The following PEX3 variants were observed in gnomAD, a reference collection of about 807,000 sequenced individuals.
PEX3 encodes the protein peroxin-3.
Under a neutral mutation model 55.8 loss-of-function variants are expected in PEX3, and 30 were observed. That is an observed-to-expected ratio of 0.54 (90% CI 0.40 to 0.73). PEX3 has a LOEUF of 0.73. Ranked by LOEUF, PEX3 falls within the 30% of genes least tolerant of loss-of-function variation. The probability of loss-of-function intolerance (pLI) is 0.00; values close to 1 mark genes in which losing one functional copy is unlikely to be tolerated. For missense variants in PEX3, 351 were observed against 432.8 expected (o/e 0.81, Z 1.68); for synonymous variants, 135 against 148.4 (o/e 0.91, Z 0.66).
In PEX3 at chr6:143,462,774, A is replaced by C; in HGVS notation, c.206-142A>C. ...TAATCGTTTTATAATAATAATAATA[A>C]TTTGAATCGTCTAGCCCTGACTTTC... On this transcript the variant is annotated intron_variant, in intron 2 of 11. Transcript: ENST00000367591. The surrounding 1 kb of genome is among the most constrained non-coding windows in gnomAD (Gnocchi z 4.1). The C allele has an allele frequency of 1.6e-6, 1 of 638,738 alleles. No individual in the cohort carries two copies. Among genetic ancestry groups the C allele is most frequent in the Admixed American group, 2.7e-5 (1 of 37,150 alleles). 39.6% of individuals were successfully genotyped at this position (638,738 alleles called of 1,614,324 possible). A position where few individuals can be genotyped will look rare whatever the true frequency, so the allele number is the denominator to read the frequency against.
At position 143,463,809 on chromosome 6, in the gene PEX3, C is replaced by T. The variant is rs531771446; in HGVS notation, c.287+812C>T. Among the ~76,000 whole-genome samples the T allele has an allele frequency of 6.6e-6, 1 of 152,234 alleles. No homozygotes were observed. Among genetic ancestry groups the T allele is most frequent in the African/African-American group, 2.4e-5 (1 of 41,540 alleles). On this transcript the variant is annotated intron_variant, in intron 3 of 11. Transcript: ENST00000367591. This position sits in a 1 kb window ranked among gnomAD's most constrained non-coding sequence, Gnocchi z 5.7. ...TGCTAGGTACCTTCCATATATGCTC[C>T]CACTTAATTTACACAATATCCCTGT... is the stretch of plus-strand genomic sequence containing the variant.
chr6:143,466,981 A>G lies in PEX3; in HGVS notation c.288-1141A>G, dbSNP rs924898681. ...TTTAAAAAATAATGTCCAAAAATAT[A>G]TAGTACCATAAATCAAATTAACCTA... On this transcript the variant is annotated intron_variant, in intron 3 of 11. Transcript: ENST00000367591. This position sits in a 1 kb window ranked among gnomAD's most constrained non-coding sequence, Gnocchi z 5.4. Among the ~76,000 whole-genome samples, 16 of 152,022 alleles carry G rather than the reference A, an allele frequency of 1.1e-4. No homozygotes were observed. Among genetic ancestry groups the G allele is most frequent in the African/African-American group, 3.4e-4 (14 of 41,440 alleles).
Position 143,459,447 on chromosome 6 carries a change from G to A in PEX3, c.205+231G>A, listed in dbSNP as rs1779890082. 6.6e-6 allele frequency among the ~76,000 whole-genome samples: 1 copy of A among 152,192 alleles called. No individual in the cohort carries two copies. The highest frequency in any genetic ancestry group is 2.4e-5 in the African/African-American group (1 of 41,456). On this transcript the variant is annotated intron_variant, in intron 2 of 11. Coordinates refer to ENST00000367591, the MANE Select transcript of PEX3 (RefSeq NM_003630.3). This position sits in a 1 kb window ranked among gnomAD's most constrained non-coding sequence, Gnocchi z 4.2. ...GTATCCAGGCCTGGGGAAGCAGGAA[G>A]TGAACAACAACAACAAAAAGCCCCT... is the stretch of plus-strand genomic sequence containing the variant.
At position 143,451,420 on chromosome 6, in the gene PEX3, C is replaced by A. The variant is rs1326751645; in HGVS notation, c.73+305C>A. Among the ~76,000 whole-genome samples the A allele has an allele frequency of 6.6e-6, 1 of 152,140 alleles. No homozygotes were observed. The highest frequency in any genetic ancestry group is 2.4e-5 in the African/African-American group (1 of 41,436). ...TCTGTTTCAAGGCACCATTCTCTTA[C>A]AGGAACTTTTTAAAAAAAATTCTGC... On this transcript the variant is annotated intron_variant, in intron 1 of 11. Coordinates refer to ENST00000367591, the MANE Select transcript of PEX3 (RefSeq NM_003630.3). This position sits in a 1 kb window ranked among gnomAD's most constrained non-coding sequence, Gnocchi z 4.1.
chr6:143,472,421 G>A, intron 8 of PEX3, 93 bp downstream of exon 8: 1 of 868,460 alleles, frequency 1.2e-6, no homozygotes, highest in Non-Finnish European at 1.9e-6. Context: ...CTCTTGAAAG[G>A]TAAGTGATTG....
chr6:143,471,044 T>A lies in PEX3; in HGVS notation c.415T>A (p.Tyr139Asn), dbSNP rs1251670201. The change falls in exon 5 of 12, where the codon TAT becomes AAT. Residue 139 changes from tyrosine (Y) to asparagine (N), a missense_variant. Transcript: ENST00000367591. The surrounding 1 kb of genome is among the most constrained non-coding windows in gnomAD (Gnocchi z 5.4). The stretch of plus-strand genomic sequence containing the variant: ...GGTCCAGTTAAACATAATTGGTGGA[T>A]ATATTTACCTGGATAATGCAGCAGT... ...LRVQLNIIGGYIYLDNAAVGK... is the reference protein window; with the variant it reads ...LRVQLNIIGGNIYLDNAAVGK... The A allele has an allele frequency of 6.2e-7, 1 of 1,613,102 alleles. No individual in the cohort carries two copies. The highest frequency in any genetic ancestry group is 8.5e-7 in the Non-Finnish European group (1 of 1,179,304).
At chr6:143,468,291 G>A in intron 4 of PEX3, 126 bp downstream of exon 4, 1 of 669,874 alleles carries the variant, frequency 1.5e-6, no homozygotes, top group Non-Finnish European at 2.7e-6. Flanking sequence ...AAATAATATA[G>A]TACAGGTAAA....
Position 143,476,742 on chromosome 6 carries a change from A to G in PEX3, c.818+1886A>G, listed in dbSNP as rs188134010. ...ATTTTGGCAGTGTTAAGCATATCCA[A>G]GTGGATATGCCTATTGGCAATTGAA... is the stretch of plus-strand genomic sequence containing the variant. On this transcript the variant is annotated intron_variant, in intron 9 of 11. Transcript: ENST00000367591. The surrounding 1 kb of genome is among the most constrained non-coding windows in gnomAD (Gnocchi z 5.4). Among the ~76,000 whole-genome samples, 24 of 152,334 alleles carry G rather than the reference A, an allele frequency of 1.6e-4. No individual in the cohort carries two copies. Among genetic ancestry groups the G allele is most frequent in the African/African-American group, 5.5e-4 (23 of 41,572 alleles).
chr6:143,478,764 A>G (rs571973352), intron 9 of PEX3, among the ~76,000 whole-genome samples: 128 of 152,194 alleles, frequency 8.4e-4, no homozygotes, highest in Middle Eastern at 6.8e-3. Flanking sequence ...AAAGCCAACT[A>G]ATCTATGACT....
intron 9 of PEX3, among the ~76,000 whole-genome samples, chr6:143,477,734 C>T (rs1227008504): frequency 6.6e-6 from 1 of 152,084 alleles, no homozygotes; most frequent in Non-Finnish European, 1.5e-5. Context: ...TTCTATACTG[C>T]TTTATCTATC....
rs544022749 is a variant in PEX3, at chr6:143,475,527, C to A, written c.818+671C>A. ...AATTAGCCAGGCATGGTGGTGCACA[C>A]CTGTGGTCCCAGTTACTTGGGAGGC... is the stretch of plus-strand genomic sequence containing the variant. On this transcript the variant is annotated intron_variant, in intron 9 of 11. Coordinates refer to ENST00000367591, the MANE Select transcript of PEX3 (RefSeq NM_003630.3). The surrounding 1 kb of genome is among the most constrained non-coding windows in gnomAD (Gnocchi z 4.4). Among the ~76,000 whole-genome samples, 1 of 152,254 alleles carries A rather than the reference C, an allele frequency of 6.6e-6. No individual in the cohort carries two copies. Among genetic ancestry groups the A allele is most frequent in the South Asian group, 2.1e-4 (1 of 4,824 alleles).
At chr6:143,452,004 T>A (rs1779776307) in intron 1 of PEX3, among the ~76,000 whole-genome samples, 1 of 152,248 alleles carries the variant, frequency 6.6e-6, no homozygotes, top group South Asian at 2.1e-4. Context: ...ACAAAAGTAC[T>A]TAAAATCAAG....
Position 143,475,617 on chromosome 6 carries a change from G to A in PEX3, c.818+761G>A, listed in dbSNP as rs1780140957. 6.6e-6 allele frequency among the ~76,000 whole-genome samples: 1 copy of A among 152,190 alleles called. No individual in the cohort carries two copies. Among genetic ancestry groups the A allele is most frequent in the Admixed American group, 6.5e-5 (1 of 15,274 alleles). ...TATGGTGAGCCGTGATTGCACCACT[G>A]TACTCCAGCCTGGGCAACAGAGTAA... On this transcript the variant is annotated intron_variant, in intron 9 of 11. Transcript: ENST00000367591. This position sits in a 1 kb window ranked among gnomAD's most constrained non-coding sequence, Gnocchi z 4.4.
Position 143,482,776 on chromosome 6 carries a change from CA to C in PEX3, c.942-2374del, listed in dbSNP as rs1262493877. Among the ~76,000 whole-genome samples, 6 of 151,838 alleles carry C rather than the reference CA, an allele frequency of 4.0e-5. No homozygotes were observed. Among genetic ancestry groups the C allele is most frequent in the Admixed American group, 2.0e-4 (3 of 15,240 alleles). ...AGACGAATAACAATTAGTCATTTTA[CA>C]ATGACTAATAAAATTCAGGAGGTTT... On this transcript the variant is annotated intron_variant, in intron 10 of 11. Transcript: ENST00000367591. The surrounding 1 kb of genome is among the most constrained non-coding windows in gnomAD (Gnocchi z 5.5).
In PEX3 at chr6:143,454,292, G is replaced by A. The variant is rs111853683; in HGVS notation, c.73+3177G>A. Among the ~76,000 whole-genome samples, 321 of 152,264 alleles carry A rather than the reference G, an allele frequency of 2.1e-3. 3 individuals are homozygous for A. Among genetic ancestry groups the A allele is most frequent in the African/African-American group, 7.5e-3 (311 of 41,558 alleles). On this transcript the variant is annotated intron_variant, in intron 1 of 11. Transcript: ENST00000367591. The surrounding 1 kb of genome is among the most constrained non-coding windows in gnomAD (Gnocchi z 4.3). ...GCAAATAACATTTTAGTATTATTACGAAAACAGTTTTGATTTTATAGACTC... is the reference window on the plus strand; with the variant it reads ...GCAAATAACATTTTAGTATTATTACAAAAACAGTTTTGATTTTATAGACTC...
intron 2 of PEX3, among the ~76,000 whole-genome samples, chr6:143,461,349 G>A (rs75041599): frequency 0.016 from 2,374 of 152,182 alleles, 37 homozygotes; most frequent in Middle Eastern, 0.092. Context: ...CAAAAGATAG[G>A]GGTCACACGT....
rs923665683 is a variant in PEX3 at position 143,476,463 on chromosome 6, G to C, written c.818+1607G>C. Among the ~76,000 whole-genome samples, 13 of 152,220 alleles carry C rather than the reference G, an allele frequency of 8.5e-5. No homozygotes were observed. Among genetic ancestry groups the C allele is most frequent in the Admixed American group, 3.3e-4 (5 of 15,282 alleles). ...AAAAGATCTCATTGCTCTATGGTAAGCTGACTATAAAGAGATAAGAATAGA... is the reference window on the plus strand; with the variant it reads ...AAAAGATCTCATTGCTCTATGGTAACCTGACTATAAAGAGATAAGAATAGA... On this transcript the variant is annotated intron_variant, in intron 9 of 11. Transcript: ENST00000367591. The surrounding 1 kb of genome is among the most constrained non-coding windows in gnomAD (Gnocchi z 5.4).
chr6:143,451,541 A>T lies in PEX3; in HGVS notation c.73+426A>T, dbSNP rs73580305. 9.2e-5 allele frequency among the ~76,000 whole-genome samples: 14 copies of T among 152,356 alleles called. No individual in the cohort carries two copies. The East Asian group carries it at 2.5e-3, about 27-fold the overall frequency. On this transcript the variant is annotated intron_variant, in intron 1 of 11. Transcript: ENST00000367591. The surrounding 1 kb of genome is among the most constrained non-coding windows in gnomAD (Gnocchi z 4.1). Reference sequence around the variant, plus strand: ...ATAATAATCTAGGGAAGTTACCTATAGGCTGCACTTCGGGTGGTGGTTAAA... The same window carrying T: ...ATAATAATCTAGGGAAGTTACCTATTGGCTGCACTTCGGGTGGTGGTTAAA...
Position 143,485,292 on chromosome 6 carries a change from TGTG to T in PEX3, c.1038+53_1038+55del, listed in dbSNP as rs765616624. On this transcript the variant is annotated intron_variant, in intron 11 of 11. Coordinates refer to ENST00000367591, the MANE Select transcript of PEX3 (RefSeq NM_003630.3). This position sits in a 1 kb window ranked among gnomAD's most constrained non-coding sequence, Gnocchi z 5.6. ...AGTGTTATTAAAAGCAAATTATATT[TGTG>T]GTGGTGGTCATGTTTGTCTAACATA... The T allele has an allele frequency of 5.3e-5, 55 of 1,029,574 alleles. No individual in the cohort carries two copies. The African/African-American group carries it at 7.7e-4, about 14-fold the overall frequency. The allele number at this position is 1,029,574 out of a possible 1,614,324, so 63.8% of individuals were successfully genotyped here.
Sources: gnomAD v4.1 joint callset for allele counts (sites outside exome capture counted in the v4.1 genomes callset) on GRCh38, gnomAD v4.1.1 for gene constraint, Gnocchi (gnomAD v3.1) non-coding constraint, MANE v1.5 for transcripts, NCBI Gene and HGNC (gene_info 2026-07-23, HGNC 2026-07-21) for gene names.